ARMC12: variants seen among roughly 807,000 people sequenced by gnomAD.
ARMC12 encodes armadillo repeat-containing protein 12.
A neutral mutation model predicts 37.4 loss-of-function variants in ARMC12; 25 were observed. The observed-to-expected ratio is 0.67, with a 90% CI of 0.49 to 0.93. ARMC12 has a LOEUF of 0.93. Ranked by LOEUF, ARMC12 falls within the 40% of genes least tolerant of loss-of-function variation. The probability of loss-of-function intolerance (pLI) is 0.00; values close to 1 mark genes in which losing one functional copy is unlikely to be tolerated. For synonymous variants in ARMC12, 167 were observed against 176.1 expected, an observed-to-expected ratio of 0.95 and a Z score of 0.41; for missense variants, 384 against 426.6, an observed-to-expected ratio of 0.90 and a Z score of 0.88.
chr6:35,737,346 C>A, intron 1 of ARMC12, 75 bp downstream of exon 1: 1 of 1,614,104 alleles, frequency 6.2e-7, no homozygotes, highest in Non-Finnish European at 8.5e-7. Context: ...TGTGGGAGGG[C>A]CCAAAGGTGA....
rs922357401 is a variant in ARMC12, at chr6:35,738,534, C to A, written c.444+16C>A. On this transcript the variant is annotated intron_variant, in intron 3 of 5. Transcript: ENST00000373866. ...CAAAATCCAGGTGAGCCCAGGGATGCGTGGTGGGGCATGCAGGATGTCTAT... is the reference window on the plus strand; with the variant it reads ...CAAAATCCAGGTGAGCCCAGGGATGAGTGGTGGGGCATGCAGGATGTCTAT... The A allele has an allele frequency of 1.2e-6, 2 of 1,613,334 alleles. No homozygotes were observed. Among genetic ancestry groups the A allele is most frequent in the Non-Finnish European group, 1.7e-6 (2 of 1,179,754 alleles).
upstream of ARMC12, chr6:35,736,908 C>T (rs1307056751): frequency 1.4e-6 from 1 of 727,458 alleles, no homozygotes; most frequent in Non-Finnish European, 2.2e-6. Context: ...TGGTGCCTGG[C>T]CCCATCTGTT....
At chr6:35,738,249 A>T in intron 2 of ARMC12, 77 bp downstream of exon 2, 1 of 1,273,022 alleles carries the variant, frequency 7.9e-7, no homozygotes, top group East Asian at 3.1e-5. Context: ...TGGAATGGCC[A>T]GACTATATCC....
At chr6:35,737,931 C>T in intron 1 of ARMC12, 96 bp from the exon 2 acceptor site, 1 of 1,564,984 alleles carries the variant, frequency 6.4e-7, no homozygotes, top group Non-Finnish European at 8.7e-7. Context: ...AAAGGCAAGG[C>T]AGCCTTGTCC....
chr6:35,738,295 G>A (rs573924585), intron 2 of ARMC12, 89 bp from the exon 3 acceptor site: 9 of 1,414,906 alleles, frequency 6.4e-6, no homozygotes, highest in Admixed American at 2.0e-5. Flanking sequence ...GTGGGGGGGG[G>A]GTGTGCGGAG....
rs760070963 is a variant in ARMC12, at chr6:35,742,496, C to CAAAAA, written c.444+3998_444+4002dup. Reference sequence around the variant, plus strand: ...TGGGCCACAGAACGAGACTCTGTCTCAAAAAAAAAAAAAAAAAAAAAAAAG... The same window carrying CAAAAA: ...TGGGCCACAGAACGAGACTCTGTCTCAAAAAAAAAAAAAAAAAAAAAAAAAAAAAG... On this transcript the variant is annotated intron_variant, in intron 3 of 5. Transcript: ENST00000373866. Among the ~76,000 whole-genome samples, 227 of 43,366 alleles carry CAAAAA rather than the reference C, an allele frequency of 5.2e-3. 17 individuals carry two copies. Among genetic ancestry groups the CAAAAA allele is most frequent in the African/African-American group, 0.011 (128 of 11,568 alleles). The allele number at this position is 43,366 out of a possible 152,430, so 28.4% of individuals were successfully genotyped here.
upstream of ARMC12, chr6:35,736,974 C>T (rs1047157065): frequency 1.2e-5 from 16 of 1,370,702 alleles, 1 homozygote; most frequent in South Asian, 2.0e-4. Flanking sequence ...CCCATTATCT[C>T]CCCAGTTTCC....
At chr6:35,732,922 C>T (rs560400165), upstream of ARMC12, among the ~76,000 whole-genome samples, 1 of 152,312 alleles carries the variant, frequency 6.6e-6, no homozygotes, top group Admixed American at 6.5e-5. Flanking sequence ...GCCTGTAATC[C>T]CAGCACTTTG....
chr6:35,738,283 C>CT, intron 2 of ARMC12, 101 bp from the exon 3 acceptor site: 3 of 572,478 alleles, frequency 5.2e-6, no homozygotes, highest in Non-Finnish European at 7.1e-6. Context: ...TGGCTGATAG[C>CT]GGTGGGGGGG....
intron 1 of ARMC12, among the ~76,000 whole-genome samples, chr6:35,737,551 A>G (rs1192183383): frequency 6.6e-6 from 1 of 152,158 alleles, no homozygotes; most frequent in Non-Finnish European, 1.5e-5. Flanking sequence ...ACTTCTTGGA[A>G]ACTTGGTGTC....
intron 3 of ARMC12, among the ~76,000 whole-genome samples, chr6:35,743,309 C>T (rs1040264644): frequency 2.6e-5 from 4 of 151,984 alleles, no homozygotes; most frequent in Non-Finnish European, 5.9e-5. Flanking sequence ...CTCCGCCTCC[C>T]GGGTTCAAGT....
chr6:35,738,336 C>T (rs1767057237), intron 2 of ARMC12, 48 bp from the exon 3 acceptor site: 1 of 1,595,492 alleles, frequency 6.3e-7, no homozygotes, highest in Non-Finnish European at 8.5e-7. Flanking sequence ...GCAGTGGGCC[C>T]AGAACACCCG....
At chr6:35,746,583 C>G (rs181595019) in intron 3 of ARMC12, among the ~76,000 whole-genome samples, 3 of 152,062 alleles carry the variant, frequency 2.0e-5, no homozygotes, top group Admixed American at 2.0e-4. Context: ...TTGCAGAAAT[C>G]CCGGTGAGAT....
rs201346041 is a variant in ARMC12 at position 35,748,413 on chromosome 6, TTACTA to T, written c.691-122_691-118del. On this transcript the variant is annotated intron_variant, in intron 5 of 5. Transcript: ENST00000373866. ...TAATAATAAAAGAAAAACTAAAAAA[TTACTA>T]TATACTCGAGTCTGAAATTTAGGTA... The T allele has an allele frequency of 1.2e-3, 811 of 696,602 alleles. 12 individuals are homozygous for T. In the East Asian group the frequency reaches 0.026, roughly 23 times the overall value. 43.2% of individuals were successfully genotyped at this position (696,602 alleles called of 1,614,324 possible). A position where few individuals can be genotyped will look rare whatever the true frequency, so the allele number is the denominator to read the frequency against.
chr6:35,746,666 A>T (rs1013820934), intron 3 of ARMC12, among the ~76,000 whole-genome samples: 3 of 152,084 alleles, frequency 2.0e-5, no homozygotes, highest in Non-Finnish European at 4.4e-5. Flanking sequence ...AGATTTTTGA[A>T]GGTAGTGCCT....
intron 3 of ARMC12, among the ~76,000 whole-genome samples, chr6:35,740,897 G>GT (rs11365534): frequency 0.15 from 17,685 of 116,348 alleles, 1,639 homozygotes; most frequent in African/African-American, 0.25. Context: ...CTTCCTTCTG[G>GT]TTTTTTTTTT....
chr6:35,734,798 T>G (rs1766914625), upstream of ARMC12, among the ~76,000 whole-genome samples: 1 of 148,856 alleles, frequency 6.7e-6, no homozygotes, highest in Admixed American at 6.7e-5. Context: ...TGAGAACCTG[T>G]CTCAAAAAAA....
At chr6:35,738,293 G>GGT (rs1554141456) in intron 2 of ARMC12, 91 bp from the exon 3 acceptor site, 2 of 1,431,832 alleles carry the variant, frequency 1.4e-6, no homozygotes, top group Admixed American at 1.9e-5. Flanking sequence ...CGGTGGGGGG[G>GGT]GGGTGTGCGG....
chr6:35,739,822 C>G (rs1466489270), intron 3 of ARMC12, among the ~76,000 whole-genome samples: 1 of 152,218 alleles, frequency 6.6e-6, no homozygotes, highest in Non-Finnish European at 1.5e-5. Context: ...CCAGGAAGCT[C>G]TTTGAACCCC....
Sources: allele counts gnomAD v4.1 joint callset (sites outside exome capture counted in the v4.1 genomes callset), GRCh38; gene constraint gnomAD v4.1.1; transcripts MANE v1.5; gene names NCBI Gene and HGNC (gene_info 2026-07-23, HGNC 2026-07-21).